CNPPD1: variants seen among roughly 807,000 people sequenced by gnomAD.
CNPPD1 encodes cyclin Pas1/PHO80 domain containing 1, also known as protein CNPPD1.
Under a neutral mutation model 43.7 loss-of-function variants are expected in CNPPD1, and 40 were observed. That is an observed-to-expected ratio of 0.92 (90% CI 0.71 to 1.19). CNPPD1 has a LOEUF of 1.19. Ranked by LOEUF, CNPPD1 falls within the 50% of genes most tolerant of loss-of-function variation. The pLI, the probability that CNPPD1 is intolerant of heterozygous loss-of-function variation, is 0.00. For missense variants in CNPPD1, 511 were observed against 518.5 expected, an observed-to-expected ratio of 0.99 and a Z score of 0.14; for synonymous variants, 208 against 214.3, an observed-to-expected ratio of 0.97 and a Z score of 0.26.
rs568820217 is a variant in CNPPD1 at position 219,175,788 on chromosome 2, C to T, written c.179-116G>A. On this transcript the variant is annotated intron_variant, in intron 2 of 7. Transcript: ENST00000360507. Reference sequence around the variant, plus strand: ...ATTTTCTGAGGCCTTGGGGACAGGACCATAGTAACAAAATAGAGATCAAAT... The same window carrying T: ...ATTTTCTGAGGCCTTGGGGACAGGATCATAGTAACAAAATAGAGATCAAAT... 2.0e-4 allele frequency: 167 copies of T among 825,398 alleles called. No homozygotes were observed. The South Asian group carries it at 2.3e-3, about 11-fold the overall frequency. 51.1% of individuals were successfully genotyped at this position (825,398 alleles called of 1,614,324 possible). A position where few individuals can be genotyped will look rare whatever the true frequency, so the allele number is the denominator to read the frequency against.
chr2:219,176,963 T>C, upstream of CNPPD1: 1 of 675,208 alleles, frequency 1.5e-6, no homozygotes. Flanking sequence ...GCCCTCGCCC[T>C]CGCAGCTCCC....
At chr2:219,173,297 C>T (rs1950105111) in intron 7 of CNPPD1, 53 bp downstream of exon 7, 4 of 1,536,058 alleles carry the variant, frequency 2.6e-6, no homozygotes, top group Non-Finnish European at 3.6e-6. Flanking sequence ...CACACCATCC[C>T]ACCCTACACA....
chr2:219,172,800 T>C lies in CNPPD1; in HGVS notation c.1019A>G (p.Gln340Arg). 2 of 1,594,376 alleles carry C rather than the reference T, an allele frequency of 1.3e-6. No homozygotes were observed. The highest frequency in any genetic ancestry group is 1.7e-6 in the Non-Finnish European group (2 of 1,170,898). The change falls in exon 8 of 8, where the codon CAG becomes CGG. Residue 340 changes from glutamine (Q) to arginine (R), a missense_variant. Transcript: ENST00000360507. ...GGTTGGGGAGTCTCTCTGGAGCTTC[T>C]GGCAAAGGTGGCAGTTATGAAGAAG... is the stretch of plus-strand genomic sequence containing the variant. ...PTLLHNCHLC[Q>R]KLQRDSPTCH...
intron 1 of CNPPD1, 96 bp downstream of exon 1, chr2:219,176,664 C>T: frequency 1.0e-6 from 1 of 980,610 alleles, no homozygotes; most frequent in Non-Finnish European, 1.5e-6. Flanking sequence ...GCAGCTGCCG[C>T]CCAGTCCCGG....
chr2:219,174,631 G>A (rs181711636), intron 5 of CNPPD1, 147 bp downstream of exon 5: 21 of 1,146,896 alleles, frequency 1.8e-5, no homozygotes, highest in East Asian at 2.5e-5. Context: ...GTACTGAAGA[G>A]ATAGGAAAGG....
Position 219,176,862 on chromosome 2 carries a change from G to C in CNPPD1, c.-34C>G, listed in dbSNP as rs1253843910. On this transcript the variant is annotated 5_prime_UTR_variant, in exon 1 of 8. Transcript: ENST00000360507. ...CAGTCGCCGCCCTGCGAAGGTGAAC[G>C]GAAGGAAACGAGTTGTAGGGGGCTC... 8 of 1,539,238 alleles carry C rather than the reference G, an allele frequency of 5.2e-6. No individual in the cohort carries two copies. The highest frequency in any genetic ancestry group is 7.0e-6 in the Non-Finnish European group (8 of 1,136,598).
At chr2:219,174,334 G>A in intron 5 of CNPPD1, 127 bp from the exon 6 acceptor site, 8 of 923,500 alleles carry the variant, frequency 8.7e-6, no homozygotes, top group Non-Finnish European at 1.4e-5. Flanking sequence ...CCATGTGCCA[G>A]ATACTGTCTC....
At position 219,174,195 on chromosome 2, in the gene CNPPD1, A is replaced by G; in HGVS notation, c.523T>C (p.Tyr175His). 6.2e-7 allele frequency: 1 copy of G among 1,614,210 alleles called. No individual in the cohort carries two copies. The highest frequency in any genetic ancestry group is 2.2e-5 in the East Asian group (1 of 44,890). The change falls in exon 6 of 8, where the codon TAC becomes CAC. Residue 175 changes from tyrosine to histidine, a missense_variant. By Grantham distance (83) the Tyr-to-His change is moderately conservative (BLOSUM62 2). Transcript: ENST00000360507. ...TCAAAGATCTCCCGAGGGTCAGTGT[A>G]GAGATGCCAATCCTGTGAGTACGGA... ...GFLSAMDWHL[Y>H]TDPREIFEVL...
At position 219,173,056 on chromosome 2, in the gene CNPPD1, G is replaced by C; in HGVS notation, c.763C>G (p.Gln255Glu). The change falls in exon 8 of 8, where the codon CAG becomes GAG. Residue 255 changes from glutamine (Q) to glutamate (E), a missense_variant. Gln to Glu is a conservative substitution (Grantham distance 29). Transcript: ENST00000360507. ...GGGATGCAGGACAGCCCCAAAGACT[G>C]ATGTATTACGGCCACCGATGCCACA... is the stretch of plus-strand genomic sequence containing the variant. ...LAVASVAVIHQSLGLSCIPTP... is the reference protein window; with the variant it reads ...LAVASVAVIHESLGLSCIPTP... The C allele has an allele frequency of 1.2e-6, 2 of 1,611,306 alleles. No homozygotes were observed. The highest frequency in any genetic ancestry group is 1.7e-6 in the Non-Finnish European group (2 of 1,179,708).
rs758696202 is a variant in CNPPD1, at chr2:219,175,101, AT to A, written c.267del (p.Cys90AlafsTer7). ...AGCATCATAGCACATGGGGAGATGC[AT>A]GCCTCCCTGGGTGGTAGAAAGGATC... ...KKYVAHVSRE[A>X]CISPCAMMLA... On this transcript the variant is annotated frameshift_variant, in exon 4 of 8. Coordinates refer to ENST00000360507, the MANE Select transcript of CNPPD1 (RefSeq NM_015680.6). LOFTEE classifies it high-confidence loss of function. 8 of 1,600,396 alleles carry A rather than the reference AT, an allele frequency of 5.0e-6. No individual in the cohort carries two copies. In the Admixed American group the frequency reaches 1.4e-4, roughly 27 times the overall value.
rs1451115422 is a variant in CNPPD1, at chr2:219,172,937, A to G, written c.882T>C (p.Asn294=). The change falls in exon 8 of 8, where the codon AAT becomes AAC. Residue 294 remains asparagine (N), a synonymous_variant. Transcript: ENST00000360507. ...TGCTGCCTTCCAGGCAGCTGGAGACATTAGCGAGAGACGGCAGGCATTGTG... is the reference window on the plus strand; with the variant it reads ...TGCTGCCTTCCAGGCAGCTGGAGACGTTAGCGAGAGACGGCAGGCATTGTG... ...SVPQCLPSLA[N]VSSCLEGSMG... is the part of the protein sequence containing the mutation. The G allele has an allele frequency of 6.2e-7, 1 of 1,613,720 alleles. No homozygotes were observed. The highest frequency in any genetic ancestry group is 8.5e-7 in the Non-Finnish European group (1 of 1,179,810).
In CNPPD1 at chr2:219,173,395, C is replaced by A; in HGVS notation, c.645G>T (p.Pro215=). ...YTDLCVLLEQ[P]TWQLALGSLC... ...GGGAGCCCAGGGCCAACTGCCAGGT[C>A]GGCTGCTCCAGCAGCACACACAGGT... Residue 215 remains proline (P), a synonymous_variant, in exon 7 of 8, where the codon CCG becomes CCT. Transcript: ENST00000360507. The A allele has an allele frequency of 6.2e-7, 1 of 1,613,674 alleles. No homozygotes were observed. Among genetic ancestry groups the A allele is most frequent in the South Asian group, 1.1e-5 (1 of 91,062 alleles).
chr2:219,176,477 C>T (rs1950163641), intron 1 of CNPPD1, 146 bp from the exon 2 acceptor site: 2 of 661,800 alleles, frequency 3.0e-6, no homozygotes, highest in African/African-American at 3.6e-5. Flanking sequence ...TTCTGTAAAT[C>T]GCTTGCCAAT....
chr2:219,173,136 A>G lies in CNPPD1; in HGVS notation c.691-8T>C. ...AGCTAACAGGCAAGACAGCTGCAGGAGAGGAGATAAGAAAGAAGGAATCTG... is the reference window on the plus strand; with the variant it reads ...AGCTAACAGGCAAGACAGCTGCAGGGGAGGAGATAAGAAAGAAGGAATCTG... On this transcript the variant is annotated splice_region_variant and splice_polypyrimidine_tract_variant and intron_variant, in intron 7 of 7. Transcript: ENST00000360507. 1 of 1,555,750 alleles carries G rather than the reference A, an allele frequency of 6.4e-7. No homozygotes were observed. Among genetic ancestry groups the G allele is most frequent in the Non-Finnish European group, 8.7e-7 (1 of 1,155,408 alleles).
chr2:219,177,178 C>T (rs1323495617), upstream of CNPPD1: 3 of 224,558 alleles, frequency 1.3e-5, no homozygotes, highest in African/African-American at 2.3e-5. Context: ...CGTTTACAAG[C>T]CGCGGGGGTG....
chr2:219,177,792 C>T (rs1442906131), upstream of CNPPD1: 1 of 152,220 alleles, frequency 6.6e-6, no homozygotes, highest in African/African-American at 2.4e-5. Flanking sequence ...AAAGAAACAA[C>T]TTTTCTGAGT....
chr2:219,176,738 AG>A, intron 1 of CNPPD1, 21 bp downstream of exon 1: 3 of 1,537,148 alleles, frequency 2.0e-6, no homozygotes, highest in Non-Finnish European at 2.6e-6. Flanking sequence ...GAGGCCGGGG[AG>A]GGGGCGGGAC....
At chr2:219,174,024 G>T in intron 6 of CNPPD1, 122 bp downstream of exon 6, 1 of 944,486 alleles carries the variant, frequency 1.1e-6, no homozygotes, top group Non-Finnish European at 1.7e-6. Context: ...ACCACTATCT[G>T]GGCAATTCTC....
rs1950147907 is a variant in CNPPD1, at chr2:219,175,642, G to C, written c.209C>G (p.Ala70Gly). ...DIAVELLQKA[A>G]PSPIRRLQKK... ...CTGGAGTCGGCGAATAGGGCTGGGG[G>C]CTGCCTTCTGGAGCAGTTCGACAGC... The change falls in exon 3 of 8, where the codon GCC (alanine) becomes GGC (glycine). Residue 70 changes from alanine to glycine, a missense_variant. By Grantham distance (60) the Ala-to-Gly change is moderately conservative. Coordinates refer to ENST00000360507, the MANE Select transcript of CNPPD1 (RefSeq NM_015680.6). The C allele has an allele frequency of 6.2e-7, 1 of 1,613,916 alleles. No individual in the cohort carries two copies. The highest frequency in any genetic ancestry group is 1.3e-5 in the African/African-American group (1 of 74,906).
Sources: gnomAD v4.1 joint callset for allele counts on GRCh38, gnomAD v4.1.1 for gene constraint, MANE v1.5 for transcripts, NCBI Gene and HGNC (gene_info 2026-07-23, HGNC 2026-07-21) for gene names.